The following RANBP2 variants were observed in gnomAD, a reference collection of about 807,000 sequenced individuals.
RANBP2 encodes RAN binding protein 2.
Under a neutral mutation model 303.6 loss-of-function variants are expected in RANBP2, and 57 were observed. The observed-to-expected ratio is 0.19, with a 90% confidence interval of 0.15 to 0.23. The LOEUF is 0.23. Ranked by LOEUF, RANBP2 falls within the 10% of genes least tolerant of loss-of-function variation. RANBP2 has a pLI of 1.00. For missense variants in RANBP2, 3,138 were observed against 3,780.8 expected, an observed-to-expected ratio of 0.83 and a Z score of 4.46; for synonymous variants, 1,167 against 1,301.5, an observed-to-expected ratio of 0.90 and a Z score of 2.23.
the RANBP2 span, among the ~76,000 whole-genome samples, chr2:109,214,369 G>A: frequency 3.3e-5 from 5 of 151,976 alleles, no homozygotes; most frequent in Admixed American, 6.6e-5. Flanking sequence ...GCAGGAGGCC[G>A]GGGCCACGTG....
chr2:109,126,371 C>T, the RANBP2 span, among the ~76,000 whole-genome samples: 1 of 152,138 alleles, frequency 6.6e-6, no homozygotes, highest in African/African-American at 2.4e-5. Context: ...AGAGATGTGG[C>T]GGTGAGCTTC....
At chr2:109,301,287 T>C in the RANBP2 span, among the ~76,000 whole-genome samples, 3 of 151,328 alleles carry the variant, frequency 2.0e-5, no homozygotes, top group Non-Finnish European at 4.4e-5. Context: ...GTGTGTGGTG[T>C]GTGTCTGTGT....
At chr2:108,851,827 C>CTA in the RANBP2 span, among the ~76,000 whole-genome samples, 127 of 151,678 alleles carry the variant, frequency 8.4e-4, 2 homozygotes, top group Middle Eastern at 3.4e-3. Flanking sequence ...AGACGAAAAC[C>CTA]TATATATATA....
chr2:109,054,330 A>G, the RANBP2 span, among the ~76,000 whole-genome samples: 1 of 152,314 alleles, frequency 6.6e-6, no homozygotes, highest in East Asian at 1.9e-4. Flanking sequence ...GCTCCTATAC[A>G]GATTTGCCTG....
the RANBP2 span, among the ~76,000 whole-genome samples, chr2:108,980,593 G>A: frequency 1.5e-4 from 23 of 152,114 alleles, no homozygotes; most frequent in Admixed American, 5.2e-4. Context: ...TATGGATAAA[G>A]GTAAAACAGG....
chr2:109,575,776 T>C, the RANBP2 span, among the ~76,000 whole-genome samples: 2 of 152,266 alleles, frequency 1.3e-5, no homozygotes, highest in Non-Finnish European at 2.9e-5. Context: ...AATGAACCAG[T>C]ACCTTGAGCA....
intron 6 of RANBP2, among the ~76,000 whole-genome samples, chr2:108,738,282 A>G (rs1215695936): frequency 2.6e-5 from 4 of 151,194 alleles, no homozygotes; most frequent in Non-Finnish European, 5.9e-5. Context: ...TCACCGCGTT[A>G]GCCAGGATGG....
the RANBP2 span, among the ~76,000 whole-genome samples, chr2:109,142,695 G>A: frequency 1.3e-5 from 2 of 152,196 alleles, no homozygotes; most frequent in Non-Finnish European, 2.9e-5. Context: ...ACTGAGCGGA[G>A]CATGGGCTGT....
chr2:109,432,888 G>T, the RANBP2 span, among the ~76,000 whole-genome samples: 1 of 152,252 alleles, frequency 6.6e-6, no homozygotes, highest in African/African-American at 2.4e-5. Flanking sequence ...AGCAGACATT[G>T]GCCACCAAGG....
the RANBP2 span, chr2:109,616,273 C>A: frequency 1.5e-6 from 1 of 666,258 alleles, no homozygotes; most frequent in Non-Finnish European, 2.2e-6. Context: ...TTGACCTGTA[C>A]CTCTTCTCTG....
the RANBP2 span, among the ~76,000 whole-genome samples, chr2:108,986,163 G>GT: frequency 1.8e-4 from 28 of 151,506 alleles, no homozygotes; most frequent in African/African-American, 4.6e-4. Flanking sequence ...GCCATTTTGA[G>GT]TTTTTTTTTA....
the RANBP2 span, among the ~76,000 whole-genome samples, chr2:109,481,892 C>T: frequency 6.6e-6 from 1 of 152,122 alleles, no homozygotes; most frequent in Non-Finnish European, 1.5e-5. Flanking sequence ...GTTTTATCAC[C>T]ACGGAATCAC....
At chr2:109,186,396 C>T in the RANBP2 span, among the ~76,000 whole-genome samples, 5 of 152,300 alleles carry the variant, frequency 3.3e-5, no homozygotes, top group African/African-American at 4.8e-5. Context: ...CATTAAGAGG[C>T]GGAGCCTCGA....
the RANBP2 span, among the ~76,000 whole-genome samples, chr2:109,071,231 A>G: frequency 4.9e-3 from 744 of 152,292 alleles, 7 homozygotes; most frequent in African/African-American, 0.017. Context: ...TGTAATGGAA[A>G]AGGTAAATTC....
At chr2:108,825,320 C>A in the RANBP2 span, among the ~76,000 whole-genome samples, 10 of 151,940 alleles carry the variant, frequency 6.6e-5, no homozygotes, top group South Asian at 2.1e-3. Flanking sequence ...AGATATAATT[C>A]ACATATACAA....
chr2:108,984,378 C>T, the RANBP2 span, among the ~76,000 whole-genome samples: 6,919 of 152,258 alleles, frequency 0.045, 518 homozygotes, highest in African/African-American at 0.16. Flanking sequence ...GAACTTCCGC[C>T]CTGACTTGAC....
At chr2:109,460,937 C>G in the RANBP2 span, among the ~76,000 whole-genome samples, 1 of 152,240 alleles carries the variant, frequency 6.6e-6, no homozygotes, top group Non-Finnish European at 1.5e-5. Flanking sequence ...CTGCAGCTGC[C>G]CACTTTCAGG....
At chr2:109,171,458 C>A in the RANBP2 span, among the ~76,000 whole-genome samples, 2 of 152,256 alleles carry the variant, frequency 1.3e-5, no homozygotes, top group Non-Finnish European at 2.9e-5. Flanking sequence ...GCTTCCCCTC[C>A]TGCTCCACGC....
chr2:109,615,425 C>A, the RANBP2 span: 1 of 1,613,084 alleles, frequency 6.2e-7, no homozygotes, highest in East Asian at 2.2e-5. Context: ...CCGCCAAGCA[C>A]GGCAGGCAGG....
Sources: allele counts gnomAD v4.1 joint callset (sites outside exome capture counted in the v4.1 genomes callset), GRCh38; gene constraint gnomAD v4.1.1; transcripts MANE v1.5; gene names NCBI Gene and HGNC (gene_info 2026-07-23, HGNC 2026-07-21).